The following SHPK variants were observed in gnomAD, a reference collection of about 807,000 sequenced individuals.
The protein encoded by SHPK is sedoheptulokinase.
In SHPK, 51 loss-of-function variants were observed where a neutral mutation model predicts 46.3. The ratio of observed to expected loss-of-function variants is 1.10; its 90% CI spans 0.88 to 1.39. SHPK has a LOEUF of 1.39. Ranked by LOEUF, SHPK falls within the 40% of genes most tolerant of loss-of-function variation. The probability of loss-of-function intolerance (pLI) is 0.00; values close to 1 mark genes in which losing one functional copy is unlikely to be tolerated. For missense variants in SHPK, 668 were observed against 641.3 expected (o/e 1.04, Z -0.45); for synonymous variants, 290 against 273.9 (o/e 1.06, Z -0.58).
chr17:3,614,839 C>A (rs1823439742), intron 6 of SHPK, among the ~76,000 whole-genome samples: 1 of 142,704 alleles, frequency 7.0e-6, no homozygotes, highest in South Asian at 2.2e-4. Context: ...CAGAGCGAGA[C>A]TCCGTCTCAA....
intron 1 of SHPK, among the ~76,000 whole-genome samples, chr17:3,633,353 A>T (rs1300808881): frequency 6.6e-6 from 1 of 150,982 alleles, no homozygotes; most frequent in Non-Finnish European, 1.5e-5. Context: ...GGCAACATGG[A>T]GACATTTTTG....
chr17:3,634,561 G>T (rs1379850102), intron 1 of SHPK, among the ~76,000 whole-genome samples: 2 of 114,156 alleles, frequency 1.8e-5, no homozygotes, highest in Admixed American at 1.1e-4. Flanking sequence ...GACAGAGCGA[G>T]ACCCTGTCTC....
chr17:3,614,464 G>A (rs918010959), intron 6 of SHPK, among the ~76,000 whole-genome samples: 2 of 151,874 alleles, frequency 1.3e-5, no homozygotes, highest in Non-Finnish European at 2.9e-5. Context: ...GGCGGAGATT[G>A]CAGTGAGCCG....
At chr17:3,622,049 C>CCTT (rs1197571629) in intron 4 of SHPK, among the ~76,000 whole-genome samples, 3 of 152,272 alleles carry the variant, frequency 2.0e-5, no homozygotes, top group Admixed American at 6.5e-5. Context: ...CTCCCAGGCT[C>CCTT]AAGCAATTCT....
rs1386452213 is a variant in SHPK, at chr17:3,610,002, C to A, written c.*558G>T. The stretch of plus-strand genomic sequence containing the variant: ...GCATCGCGCTTGGGTCAATCCCTGG[C>A]CCAGCTAAGCATCTGCAGCCAGGGG... On this transcript the variant is annotated 3_prime_UTR_variant, in exon 7 of 7. Transcript: ENST00000225519. 1 of 153,936 alleles carries A rather than the reference C, an allele frequency of 6.5e-6. No individual in the cohort carries two copies. The highest frequency in any genetic ancestry group is 1.4e-5 in the Non-Finnish European group (1 of 69,004). The allele number at this position is 153,936 out of a possible 1,614,324, so 9.5% of individuals were successfully genotyped here. A position where few individuals can be genotyped will look rare whatever the true frequency, so the allele number is the denominator to read the frequency against.
At position 3,630,322 on chromosome 17, in the gene SHPK, T is replaced by G; in HGVS notation, c.193A>C (p.Ile65Leu). The stretch of plus-strand genomic sequence containing the variant: ...AGGCACTCGTGTAGGGCTTGGAGGA[T>G]TCTACTCACATCCTGCTCCCGCCCC... ...PQGREQDVSR[I>L]LQALHECLAA... is the part of the protein sequence containing the mutation. The change falls in exon 2 of 7, where the codon ATC becomes CTC. Residue 65 changes from isoleucine to leucine, a missense_variant. Ile to Leu is a conservative substitution (Grantham distance 5). Transcript: ENST00000225519. 1 of 1,612,316 alleles carries G rather than the reference T, an allele frequency of 6.2e-7. No homozygotes were observed. The highest frequency in any genetic ancestry group is 8.5e-7 in the Non-Finnish European group (1 of 1,179,392).
At position 3,630,123 on chromosome 17, in the gene SHPK, T is replaced by C. The variant is rs2075461293; in HGVS notation, c.310+82A>G. On this transcript the variant is annotated intron_variant, in intron 2 of 6. Transcript: ENST00000225519. ...TTCCCACTGCAGGATAACCCGACCC[T>C]TCACAGAAAGCCCCGCACAGCACTG... is the stretch of plus-strand genomic sequence containing the variant. 3 of 1,570,962 alleles carry C rather than the reference T, an allele frequency of 1.9e-6. No individual in the cohort carries two copies. The Admixed American group carries it at 5.0e-5, about 26-fold the overall frequency.
intron 1 of SHPK, among the ~76,000 whole-genome samples, chr17:3,634,697 A>G (rs1400976571): frequency 2.0e-5 from 3 of 152,004 alleles, no homozygotes; most frequent in African/African-American, 4.8e-5. Flanking sequence ...TTTGCCTCCA[A>G]TTCATAGTCC....
chr17:3,622,152 A>C (rs2075407130), intron 4 of SHPK, among the ~76,000 whole-genome samples: 1 of 152,180 alleles, frequency 6.6e-6, no homozygotes, highest in African/African-American at 2.4e-5. Context: ...TGTTTCCAGG[A>C]AACTCTGCAT....
At position 3,620,482 on chromosome 17, in the gene SHPK, G is replaced by T. The variant is rs187629774; in HGVS notation, c.823+755C>A. 1.1e-3 allele frequency among the ~76,000 whole-genome samples: 162 copies of T among 151,774 alleles called. 5 individuals are homozygous for T. The Middle Eastern group carries it at 0.021, about 19-fold the overall frequency. On this transcript the variant is annotated intron_variant, in intron 5 of 6. Transcript: ENST00000225519. ...GGGGTTTCACCGTGTTAGCCAGGAT[G>T]GTCTCGATCTCCTGACCTCGTGATC...
In SHPK at chr17:3,610,730, C is replaced by T. The variant is rs1429537590; in HGVS notation, c.1267G>A (p.Gly423Ser). Residue 423 changes from glycine to serine, a missense_variant, in exon 7 of 7, where the codon GGC (glycine) becomes AGC (serine). Gly to Ser is a moderately conservative substitution (Grantham distance 56). Coordinates refer to ENST00000225519, the MANE Select transcript of SHPK (RefSeq NM_013276.4). ...MLPIQQLQEW[G>S]VERVMGSGSA... Reference sequence around the variant, plus strand: ...CCACTGCCCATCACCCTCTCCACGCCCCACTCCTGGAGCTGCTGAATCGGA... The same window carrying T: ...CCACTGCCCATCACCCTCTCCACGCTCCACTCCTGGAGCTGCTGAATCGGA... 1 of 1,613,986 alleles carries T rather than the reference C, an allele frequency of 6.2e-7. No individual in the cohort carries two copies. The highest frequency in any genetic ancestry group is 8.5e-7 in the Non-Finnish European group (1 of 1,180,006).
At chr17:3,611,531 T>C (rs574516780) in intron 6 of SHPK, among the ~76,000 whole-genome samples, 1 of 152,284 alleles carries the variant, frequency 6.6e-6, no homozygotes, top group Non-Finnish European at 1.5e-5. Context: ...CTTGCACCAC[T>C]GCACTCCAGC....
chr17:3,619,114 T>A (rs2075385162), intron 5 of SHPK: 1 of 269,748 alleles, frequency 3.7e-6, no homozygotes, highest in African/African-American at 2.3e-5. Flanking sequence ...AAACTAAATT[T>A]ACATAACTTA....
chr17:3,619,631 G>T, intron 5 of SHPK: 1 of 365,306 alleles, frequency 2.7e-6, no homozygotes, highest in East Asian at 7.3e-5. Flanking sequence ...TACTCGGGAG[G>T]ACAAGGCAGG....
At position 3,635,204 on chromosome 17, in the gene SHPK, AG is replaced by A. The variant is rs879480023; in HGVS notation, c.168+847del. ...AAGAAAGGAAAGAATGAAGGAAGGA[AG>A]GAAGGAAGGAAGGAAGGAAGGAAGG... On this transcript the variant is annotated intron_variant, in intron 1 of 6. Coordinates refer to ENST00000225519, the MANE Select transcript of SHPK (RefSeq NM_013276.4). Among the ~76,000 whole-genome samples the A allele has an allele frequency of 1.9e-3, 228 of 118,466 alleles. 9 individuals are homozygous for A. The highest frequency in any genetic ancestry group is 3.6e-3 in the South Asian group (10 of 2,780). 77.7% of individuals were successfully genotyped at this position (118,466 alleles called of 152,430 possible).
Position 3,616,979 on chromosome 17 carries a change from C to A in SHPK, c.824-1442G>T, listed in dbSNP as rs183838730. Among the ~76,000 whole-genome samples, 8 of 151,192 alleles carry A rather than the reference C, an allele frequency of 5.3e-5. No individual in the cohort carries two copies. In the East Asian group the frequency reaches 1.4e-3, roughly 26 times the overall value. ...GTCTCGAACTCCTGACCTCGTGATCCACCTGCCTCGGCCTCCCAAAGTGCT... is the reference window on the plus strand; with the variant it reads ...GTCTCGAACTCCTGACCTCGTGATCAACCTGCCTCGGCCTCCCAAAGTGCT... On this transcript the variant is annotated intron_variant, in intron 5 of 6. Transcript: ENST00000225519.
Position 3,621,393 on chromosome 17 carries a change from G to A in SHPK, c.667C>T (p.Pro223Ser). 1 of 1,613,910 alleles carries A rather than the reference G, an allele frequency of 6.2e-7. No homozygotes were observed. ...NVETLRSSGF[P>S]VHLLPDIAEP... ...GCGATGTCTGGGAGCAGGTGGACAG[G>A]AAAACCCGAGCTCCTCAGTCTGTAA... Residue 223 changes from proline to serine, a missense_variant, in exon 5 of 7, where the codon CCT becomes TCT. By Grantham distance (74) the Pro-to-Ser change is moderately conservative. Transcript: ENST00000225519.
intron 2 of SHPK, among the ~76,000 whole-genome samples, chr17:3,628,180 G>GC (rs775222872): frequency 2.5e-4 from 38 of 152,212 alleles, no homozygotes; most frequent in Non-Finnish European, 5.0e-4. Flanking sequence ...CATAACTACA[G>GC]CCCCCCAAAG....
Position 3,609,462 on chromosome 17 carries a change from T to C in SHPK, c.*1098A>G, listed in dbSNP as rs1355231313. On this transcript the variant is annotated 3_prime_UTR_variant, in exon 7 of 7. Coordinates refer to ENST00000225519, the MANE Select transcript of SHPK (RefSeq NM_013276.4). Reference sequence around the variant, plus strand: ...AGATGCGGCAATGGTGGCCCCCTCCTGGAAGCCACCCCACAGCCATCCCTA... The same window carrying C: ...AGATGCGGCAATGGTGGCCCCCTCCCGGAAGCCACCCCACAGCCATCCCTA... 6.6e-6 allele frequency: 1 copy of C among 152,000 alleles called. No homozygotes were observed. Among genetic ancestry groups the C allele is most frequent in the Non-Finnish European group, 1.5e-5 (1 of 68,008 alleles). The allele number at this position is 152,000 out of a possible 1,614,324, so 9.4% of individuals were successfully genotyped here. A position where few individuals can be genotyped will look rare whatever the true frequency, so the allele number is the denominator to read the frequency against.
Sources: gnomAD v4.1 joint callset for allele counts (sites outside exome capture counted in the v4.1 genomes callset) on GRCh38, gnomAD v4.1.1 for gene constraint, MANE v1.5 for transcripts, NCBI Gene and HGNC (gene_info 2026-07-23, HGNC 2026-07-21) for gene names.